PDS5A: variants seen among roughly 807,000 people sequenced by gnomAD.
PDS5A encodes PDS5 cohesin associated factor A.
A neutral mutation model predicts 167.1 loss-of-function variants in PDS5A; 42 were observed. That is an observed-to-expected ratio of 0.25 (90% CI 0.20 to 0.33). The LOEUF is 0.33. Ranked by LOEUF, PDS5A falls within the 10% of genes least tolerant of loss-of-function variation. PDS5A has a pLI of 1.00. For missense variants in PDS5A, 1,033 were observed against 1,605.9 expected (o/e 0.64, Z 6.10); for synonymous variants, 553 against 554.6 (o/e 1.00, Z 0.04).
intron 2 of PDS5A, among the ~76,000 whole-genome samples, chr4:39,928,892 T>C (rs1338237807): frequency 6.6e-6 from 1 of 151,280 alleles, no homozygotes; most frequent in African/African-American, 2.4e-5. Flanking sequence ...AAACATTTAA[T>C]TAACCTGCTT....
intron 7 of PDS5A, among the ~76,000 whole-genome samples, chr4:39,918,953 C>T (rs545936101): frequency 6.6e-6 from 1 of 152,242 alleles, no homozygotes; most frequent in South Asian, 2.1e-4. Flanking sequence ...TATATGCATA[C>T]ACACACACAA....
chr4:39,964,899 T>C (rs2664190), intron 2 of PDS5A, among the ~76,000 whole-genome samples: 41,364 of 151,716 alleles, frequency 0.27, 6,317 homozygotes, highest in East Asian at 0.62. Context: ...GCCGAGGTCG[T>C]GCCACTGCAC....
At chr4:39,889,474 C>T (rs1721783376) in intron 17 of PDS5A, among the ~76,000 whole-genome samples, 1 of 152,222 alleles carries the variant, frequency 6.6e-6, no homozygotes, top group African/African-American at 2.4e-5. Context: ...AGCTTGGGTA[C>T]TGGAACTGAT....
chr4:39,928,271 C>T, intron 2 of PDS5A, 107 bp from the exon 3 acceptor site: 1 of 646,916 alleles, frequency 1.5e-6, no homozygotes, highest in Non-Finnish European at 2.7e-6. Context: ...AATCGGTGGC[C>T]ACCAGACAGT....
chr4:39,863,277 A>G, intron 24 of PDS5A, 59 bp downstream of exon 24: 12 of 1,307,046 alleles, frequency 9.2e-6, no homozygotes, highest in Non-Finnish European at 1.3e-5. Context: ...GTATCCATAG[A>G]AAAGTAATGT....
chr4:39,952,128 G>C (rs907172861), intron 2 of PDS5A, among the ~76,000 whole-genome samples: 3 of 151,656 alleles, frequency 2.0e-5, no homozygotes, highest in Admixed American at 6.6e-5. Context: ...TCAGGAGTTC[G>C]AGACCAGCAT....
At chr4:39,935,720 A>C (rs1487589039) in intron 2 of PDS5A, among the ~76,000 whole-genome samples, 1 of 152,224 alleles carries the variant, frequency 6.6e-6, no homozygotes, top group Admixed American at 6.5e-5. Context: ...CATCCAACTC[A>C]ACATAAAAAT....
intron 11 of PDS5A, among the ~76,000 whole-genome samples, chr4:39,906,038 T>A (rs540015268): frequency 1.3e-5 from 2 of 151,208 alleles, no homozygotes; most frequent in East Asian, 1.9e-4. Flanking sequence ...AAAATTAAAC[T>A]ATCAGTCCAA....
Position 39,852,042 on chromosome 4 carries a change from T to C in PDS5A, c.3087-2390A>G, listed in dbSNP as rs547286556. On this transcript the variant is annotated intron_variant, in intron 26 of 32. Transcript: ENST00000303538. Reference sequence around the variant, plus strand: ...AATACTTGAATGTACATCAACATAATAGAGAATTTATTCCTTGAAGTAACT... The same window carrying C: ...AATACTTGAATGTACATCAACATAACAGAGAATTTATTCCTTGAAGTAACT... Among the ~76,000 whole-genome samples, 12 of 152,294 alleles carry C rather than the reference T, an allele frequency of 7.9e-5. No homozygotes were observed. The South Asian group carries it at 2.3e-3, about 29-fold the overall frequency.
chr4:39,963,919 TC>T (rs944713203), intron 2 of PDS5A, among the ~76,000 whole-genome samples: 5 of 151,432 alleles, frequency 3.3e-5, no homozygotes, highest in South Asian at 2.1e-4. Context: ...AGCTTTTTTT[TC>T]CCCCCCAGAC....
chr4:39,882,609 AT>A (rs1251278969), intron 17 of PDS5A, among the ~76,000 whole-genome samples: 9 of 152,202 alleles, frequency 5.9e-5, no homozygotes, highest in Admixed American at 1.3e-4. Context: ...TTTCATGAGT[AT>A]TTATTAACTA....
intron 2 of PDS5A, among the ~76,000 whole-genome samples, chr4:39,953,771 A>G (rs1728636233): frequency 6.6e-6 from 1 of 152,206 alleles, no homozygotes; most frequent in Non-Finnish European, 1.5e-5. Context: ...TTTGTAAAAT[A>G]TAAAACACTG....
intron 5 of PDS5A, among the ~76,000 whole-genome samples, chr4:39,924,843 A>G (rs1374506609): frequency 1.3e-5 from 2 of 152,176 alleles, no homozygotes; most frequent in South Asian, 2.1e-4. Flanking sequence ...TGGGTGTGGT[A>G]GCTCACACCT....
chr4:39,925,782 T>G (rs1452914914), intron 5 of PDS5A, 54 bp downstream of exon 5: 6 of 659,464 alleles, frequency 9.1e-6, no homozygotes, highest in Non-Finnish European at 1.3e-5. Context: ...ATACAACATC[T>G]GAATACATAA....
At chr4:39,949,594 AG>A (rs1485521557) in intron 2 of PDS5A, among the ~76,000 whole-genome samples, 1 of 151,780 alleles carries the variant, frequency 6.6e-6, no homozygotes, top group African/African-American at 2.4e-5. Context: ...TGGGGTTCTG[AG>A]GCAGGTGGAT....
intron 3 of PDS5A, 71 bp downstream of exon 3, chr4:39,927,890 T>C (rs942857079): frequency 3.7e-6 from 4 of 1,076,580 alleles, no homozygotes; most frequent in African/African-American, 3.2e-5. Context: ...AGGTAAAATA[T>C]AAAAATAAAA....
chr4:39,900,922 C>T (rs1722824483), intron 13 of PDS5A, among the ~76,000 whole-genome samples: 1 of 152,068 alleles, frequency 6.6e-6, no homozygotes, highest in Admixed American at 6.6e-5. Context: ...ATCATGAAGG[C>T]CTTATTAAAA....
In PDS5A at chr4:39,823,881, CGTAA is replaced by C. The variant is rs1423935433; in HGVS notation, c.*1600_*1603del. On this transcript the variant is annotated 3_prime_UTR_variant, in exon 33 of 33. Transcript: ENST00000303538. ...CCAACTCTTGATTATCTATGAGAAACGTAAGTGACATTTACTCTCAAACTTCACT... is the reference window on the plus strand; with the variant it reads ...CCAACTCTTGATTATCTATGAGAAACGTGACATTTACTCTCAAACTTCACT... 1 of 152,604 alleles carries C rather than the reference CGTAA, an allele frequency of 6.6e-6. No individual in the cohort carries two copies. The highest frequency in any genetic ancestry group is 2.1e-4 in the South Asian group (1 of 4,826). 9.5% of individuals were successfully genotyped at this position (152,604 alleles called of 1,614,324 possible). A position where few individuals can be genotyped will look rare whatever the true frequency, so the allele number is the denominator to read the frequency against.
chr4:39,912,336 C>A (rs1007244812), intron 9 of PDS5A, among the ~76,000 whole-genome samples: 1 of 152,106 alleles, frequency 6.6e-6, no homozygotes, highest in Non-Finnish European at 1.5e-5. Context: ...TGAAGCCTTG[C>A]GTTTTTGCTT....
Sources: allele counts gnomAD v4.1 joint callset (sites outside exome capture counted in the v4.1 genomes callset), GRCh38; gene constraint gnomAD v4.1.1; transcripts MANE v1.5; gene names NCBI Gene and HGNC (gene_info 2026-07-23, HGNC 2026-07-21).